B3GALT1: variants seen among roughly 807,000 people sequenced by gnomAD.
B3GALT1 encodes the protein beta-1,3-galactosyltransferase 1.
B3GALT1 carries 10 observed loss-of-function variants against 23.2 expected under a neutral mutation model. The ratio of observed to expected loss-of-function variants is 0.43; its 90% CI spans 0.27 to 0.73. The LOEUF is 0.73. Ranked by LOEUF, B3GALT1 falls within the 30% of genes least tolerant of loss-of-function variation. The probability of loss-of-function intolerance (pLI) is 0.21; values close to 1 mark genes in which losing one functional copy is unlikely to be tolerated. For synonymous variants in B3GALT1, 156 were observed against 141.5 expected, an observed-to-expected ratio of 1.10 and a Z score of -0.73; for missense variants, 299 against 405.4, an observed-to-expected ratio of 0.74 and a Z score of 2.25.
intron 1 of B3GALT1, among the ~76,000 whole-genome samples, chr2:167,354,472 G>C (rs1449835905): frequency 6.6e-6 from 1 of 151,326 alleles, no homozygotes; most frequent in Non-Finnish European, 1.5e-5. Flanking sequence ...TCAGCCTCCT[G>C]AGTAGCTAGG....
At chr2:167,563,255 C>CA (rs1177372632) in intron 2 of B3GALT1, among the ~76,000 whole-genome samples, 1 of 119,382 alleles carries the variant, frequency 8.4e-6, no homozygotes, top group African/African-American at 5.0e-5. Flanking sequence ...ACCTCCCAGA[C>CA]GGGGCGGCTG....
At chr2:167,526,312 T>A (rs1683219501) in intron 2 of B3GALT1, among the ~76,000 whole-genome samples, 1 of 152,146 alleles carries the variant, frequency 6.6e-6, no homozygotes, top group Admixed American at 6.6e-5. Context: ...ATTCTAGTCT[T>A]CCTTTTTTAT....
At chr2:167,421,519 A>C (rs1698546878) in intron 1 of B3GALT1, among the ~76,000 whole-genome samples, 1 of 152,208 alleles carries the variant, frequency 6.6e-6, no homozygotes, top group South Asian at 2.1e-4. Flanking sequence ...ATCCTTCGTG[A>C]AGGAGCAGAT....
At chr2:167,489,630 A>G (rs1289455370) in intron 1 of B3GALT1, among the ~76,000 whole-genome samples, 1 of 152,196 alleles carries the variant, frequency 6.6e-6, no homozygotes, top group African/African-American at 2.4e-5. Context: ...TCACTGGCTC[A>G]CGTCAGTATT....
intron 4 of B3GALT1, among the ~76,000 whole-genome samples, chr2:167,839,780 A>C (rs1409529205): frequency 6.6e-6 from 1 of 152,184 alleles, no homozygotes; most frequent in African/African-American, 2.4e-5. Context: ...TTCAAACTAT[A>C]CTACAAGGCT....
intron 1 of B3GALT1, among the ~76,000 whole-genome samples, chr2:167,380,783 A>G (rs1222565206): frequency 2.0e-5 from 3 of 152,258 alleles, no homozygotes; most frequent in African/African-American, 4.8e-5. Flanking sequence ...TGAGTCACAG[A>G]GGGAGGCTCT....
intron 3 of B3GALT1, among the ~76,000 whole-genome samples, chr2:167,654,511 T>C (rs931602334): frequency 2.1e-5 from 3 of 142,786 alleles, no homozygotes; most frequent in Non-Finnish European, 3.2e-5. Context: ...CTCTCTTTCT[T>C]TTTTTTGAGA....
At chr2:167,838,321 G>C (rs1221003480) in intron 4 of B3GALT1, among the ~76,000 whole-genome samples, 1 of 152,056 alleles carries the variant, frequency 6.6e-6, no homozygotes, top group Non-Finnish European at 1.5e-5. Flanking sequence ...TCAAATAGAC[G>C]CAATAAAAAA....
At chr2:167,374,629 ATGTT>A (rs987100588) in intron 1 of B3GALT1, among the ~76,000 whole-genome samples, 17 of 151,808 alleles carry the variant, frequency 1.1e-4, no homozygotes, top group African/African-American at 4.1e-4. Flanking sequence ...GCATTTTTTC[ATGTT>A]TGTTGGCTGC....
At chr2:167,719,662 G>A (rs1246755201) in intron 3 of B3GALT1, among the ~76,000 whole-genome samples, 1 of 152,162 alleles carries the variant, frequency 6.6e-6, no homozygotes, top group African/African-American at 2.4e-5. Context: ...GACTGGGCGT[G>A]GTGGCTCACG....
chr2:167,676,522 C>T (rs1329346083), intron 3 of B3GALT1, among the ~76,000 whole-genome samples: 4 of 115,338 alleles, frequency 3.5e-5, no homozygotes, highest in Admixed American at 8.7e-5. Context: ...TTTATACACA[C>T]ACACACACAC....
intron 1 of B3GALT1, among the ~76,000 whole-genome samples, chr2:167,448,246 G>A (rs1237386515): frequency 1.3e-5 from 2 of 152,064 alleles, no homozygotes; most frequent in African/African-American, 4.8e-5. Flanking sequence ...ACCAGCAGTG[G>A]AAAAGTGTTT....
intron 4 of B3GALT1, among the ~76,000 whole-genome samples, chr2:167,834,615 G>C (rs554828845): frequency 6.6e-6 from 1 of 152,158 alleles, no homozygotes; most frequent in Non-Finnish European, 1.5e-5. Flanking sequence ...TTGGGAGGCC[G>C]AGGCAGGTGG....
chr2:167,400,426 T>G (rs1698170225), intron 1 of B3GALT1, among the ~76,000 whole-genome samples: 1 of 152,106 alleles, frequency 6.6e-6, no homozygotes, highest in Admixed American at 6.6e-5. Context: ...TTGCTCATAT[T>G]TTCCATCTTC....
At chr2:167,578,058 A>G (rs1212329514) in intron 2 of B3GALT1, among the ~76,000 whole-genome samples, 4 of 151,976 alleles carry the variant, frequency 2.6e-5, no homozygotes, top group Non-Finnish European at 5.9e-5. Flanking sequence ...ATTATAATCT[A>G]CCATAAACCT....
At chr2:167,668,208 C>A (rs1686244790) in intron 3 of B3GALT1, among the ~76,000 whole-genome samples, 1 of 151,698 alleles carries the variant, frequency 6.6e-6, no homozygotes, top group South Asian at 2.1e-4. Context: ...GAATACCCGA[C>A]CGCGTGAGGT....
At chr2:167,686,795 C>G (rs962320418) in intron 3 of B3GALT1, among the ~76,000 whole-genome samples, 1 of 152,066 alleles carries the variant, frequency 6.6e-6, no homozygotes, top group Admixed American at 6.6e-5. Flanking sequence ...GGAGACCAAG[C>G]CTAAACTTGT....
chr2:167,775,017 C>G (rs745700787), intron 3 of B3GALT1, among the ~76,000 whole-genome samples: 1 of 152,166 alleles, frequency 6.6e-6, no homozygotes, highest in Non-Finnish European at 1.5e-5. Context: ...CCATGTGTAA[C>G]TTGTAGCAGT....
chr2:167,574,768 A>G (rs765915669), intron 2 of B3GALT1, among the ~76,000 whole-genome samples: 5 of 151,816 alleles, frequency 3.3e-5, no homozygotes, highest in Non-Finnish European at 7.4e-5. Context: ...TTGAAGCAAG[A>G]TGACACCATA....
Sources: allele counts gnomAD v4.1 joint callset (sites outside exome capture counted in the v4.1 genomes callset), GRCh38; gene constraint gnomAD v4.1.1; transcripts MANE v1.5; gene names NCBI Gene and HGNC (gene_info 2026-07-23, HGNC 2026-07-21).